The following NOTCH1 variants were observed in gnomAD, a reference collection of about 807,000 sequenced individuals.
NOTCH1 encodes the protein notch receptor 1.
Under a neutral mutation model 254.8 loss-of-function variants are expected in NOTCH1, and 37 were observed. That is an observed-to-expected ratio of 0.15 (90% CI 0.11 to 0.19). The LOEUF (loss-of-function observed/expected upper bound fraction) is 0.19. Ranked by LOEUF, NOTCH1 falls within the 10% of genes least tolerant of loss-of-function variation. The pLI is 1.00. For synonymous variants in NOTCH1, 1,731 were observed against 1,618.1 expected (o/e 1.07, Z -1.68); for missense variants, 2,972 against 3,708.6 (o/e 0.80, Z 5.16).
In NOTCH1 at chr9:136,522,973, G is replaced by T. The variant is rs748300035; in HGVS notation, c.619C>A (p.Arg207Ser). The change falls in exon 4 of 34, where the codon CGC becomes AGC. Residue 207 changes from arginine (R) to serine (S), a missense_variant. By Grantham distance (110) the Arg-to-Ser change is moderately radical. This residue lies in a region of NOTCH1 where 374 missense variants were observed against 496.3 expected (regional missense o/e 0.75). Transcript: ENST00000651671. Reference sequence around the variant, plus strand: ...CAGTTGGGGCCAGTGTGGGTGGCGCGGCAGACGCAGCGGTAGGAGCCGACC... The same window carrying T: ...CAGTTGGGGCCAGTGTGGGTGGCGCTGCAGACGCAGCGGTAGGAGCCGACC... ...NEVGSYRCVC[R>S]ATHTGPNCER... 4 of 1,558,202 alleles carry T rather than the reference G, an allele frequency of 2.6e-6. 1 individual carries two copies. The South Asian group carries it at 4.7e-5, about 18-fold the overall frequency.
intron 8 of NOTCH1, 89 bp downstream of exon 8, chr9:136,517,663 C>A (rs1483977717): frequency 9.2e-6 from 14 of 1,517,436 alleles, no homozygotes; most frequent in Non-Finnish European, 1.3e-5. Context: ...CTGGGGAAAG[C>A]GGAAGCAACC....
chr9:136,545,988 G>GCCCGCGCCCGCGC lies in NOTCH1; in HGVS notation c.-215_-203dup, dbSNP rs532729798. Among the ~76,000 whole-genome samples the GCCCGCGCCCGCGC allele has an allele frequency of 4.8e-5, 7 of 146,824 alleles. No individual in the cohort carries two copies. Among genetic ancestry groups the GCCCGCGCCCGCGC allele is most frequent in the Non-Finnish European group, 7.6e-5 (5 of 65,584 alleles). On this transcript the variant is annotated 5_prime_UTR_variant, in exon 1 of 34. Coordinates refer to ENST00000651671, the MANE Select transcript of NOTCH1 (RefSeq NM_017617.5). The surrounding 1 kb of genome is among the most constrained non-coding windows in gnomAD (Gnocchi z 6.8). ...CGGCTCGTTCCTTCGCTGCGCTCGC[G>GCCCGCGCCCGCGC]CCCGCGCCCGCGCCCCGCGCCCCGC...
chr9:136,513,037 G>C lies in NOTCH1; in HGVS notation c.2451C>G (p.Cys817Trp). ...ACCCCTCACCTGTGTAGGGCAGCAG[G>C]CAGTTGCACTTGTACCCGGCAACGT... ...IDDVAGYKCN[C>W]LLPYTGATCE... Residue 817 changes from cysteine (C) to tryptophan (W), a missense_variant, in exon 15 of 34, where the codon TGC (cysteine) becomes TGG (tryptophan). This residue lies in a region of NOTCH1 where 1,343 missense variants were observed against 1,557.0 expected (regional missense o/e 0.86). Transcript: ENST00000651671. The surrounding 1 kb of genome is among the most constrained non-coding windows in gnomAD (Gnocchi z 4.7). 6.2e-7 allele frequency: 1 copy of C among 1,605,048 alleles called. No homozygotes were observed. Among genetic ancestry groups the C allele is most frequent in the Non-Finnish European group, 8.5e-7 (1 of 1,175,224 alleles).
At chr9:136,510,078 C>T in intron 17 of NOTCH1, 117 bp from the exon 18 acceptor site, 3 of 953,514 alleles carry the variant, frequency 3.1e-6, no homozygotes, top group African/African-American at 1.6e-5. Context: ...GAGGCTGCGG[C>T]AAGCAGCCCT....
chr9:136,502,540 G>A (rs935551900), intron 27 of NOTCH1, 52 bp from the exon 28 acceptor site: 6 of 1,284,182 alleles, frequency 4.7e-6, no homozygotes, highest in Middle Eastern at 2.7e-4. Context: ...CAGCGGCTAC[G>A]CAGCAGGCTG....
At position 136,495,442 on chromosome 9, in the gene NOTCH1, T is replaced by C; in HGVS notation, c.*629A>G. 1 of 399,070 alleles carries C rather than the reference T, an allele frequency of 2.5e-6. No homozygotes were observed. The highest frequency in any genetic ancestry group is 3.5e-5 in the East Asian group (1 of 28,224). 24.7% of individuals were successfully genotyped at this position (399,070 alleles called of 1,614,324 possible). ...CTTGCAAGAAACCATCTAAAACACATGGCAACATCTAACCCATATGCTTTC... is the reference window on the plus strand; with the variant it reads ...CTTGCAAGAAACCATCTAAAACACACGGCAACATCTAACCCATATGCTTTC... On this transcript the variant is annotated 3_prime_UTR_variant, in exon 34 of 34. Transcript: ENST00000651671.
chr9:136,530,254 T>C (rs1217283806), intron 2 of NOTCH1, among the ~76,000 whole-genome samples: 5 of 152,168 alleles, frequency 3.3e-5, no homozygotes. Flanking sequence ...TCTGCAAATC[T>C]TTTCCCCCAG....
chr9:136,497,341 G>A lies in NOTCH1; in HGVS notation c.6398C>T (p.Pro2133Leu), dbSNP rs2133318792. 1 of 1,606,258 alleles carries A rather than the reference G, an allele frequency of 6.2e-7. No homozygotes were observed. Among genetic ancestry groups the A allele is most frequent in the Non-Finnish European group, 8.5e-7 (1 of 1,179,270 alleles). ...QLHGAPLGGTPTLSPPLCSPN... is the reference protein window; with the variant it reads ...QLHGAPLGGTLTLSPPLCSPN... Reference sequence around the variant, plus strand: ...CGAGCAGAGCGGGGGCGACAGGGTGGGCGTGCCCCCCAGCGGGGCTCCGTG... The same window carrying A: ...CGAGCAGAGCGGGGGCGACAGGGTGAGCGTGCCCCCCAGCGGGGCTCCGTG... The change falls in exon 34 of 34, where the codon CCC becomes CTC. Residue 2133 changes from proline to leucine, a missense_variant. Coordinates refer to ENST00000651671, the MANE Select transcript of NOTCH1 (RefSeq NM_017617.5).
intron 9 of NOTCH1, 137 bp from the exon 10 acceptor site, chr9:136,516,231 G>T (rs1032520144): frequency 6.0e-6 from 4 of 670,804 alleles, no homozygotes; most frequent in Non-Finnish European, 1.1e-5. Flanking sequence ...GCCAGCTCCA[G>T]CTCTCCCTGC....
Position 136,494,579 on chromosome 9 carries a change from A to C in NOTCH1, c.*1492T>G, listed in dbSNP as rs1842889293. ...CACTCTATTTTATAAAACACAGTAA[A>C]AATCAACATCTTGGGACGCATCTGG... On this transcript the variant is annotated 3_prime_UTR_variant, in exon 34 of 34. Transcript: ENST00000651671. 1 of 399,014 alleles carries C rather than the reference A, an allele frequency of 2.5e-6. No homozygotes were observed. The highest frequency in any genetic ancestry group is 4.4e-6 in the Non-Finnish European group (1 of 226,076). 24.7% of individuals were successfully genotyped at this position (399,014 alleles called of 1,614,324 possible). A position where few individuals can be genotyped will look rare whatever the true frequency, so the allele number is the denominator to read the frequency against.
chr9:136,513,986 G>A lies in NOTCH1; in HGVS notation c.2208-449C>T, dbSNP rs1009017977. On this transcript the variant is annotated intron_variant, in intron 13 of 33. Coordinates refer to ENST00000651671, the MANE Select transcript of NOTCH1 (RefSeq NM_017617.5). This position sits in a 1 kb window ranked among gnomAD's most constrained non-coding sequence, Gnocchi z 4.7. ...TGTCTCAAAATAAAGAAAAAAGTGGGGGCCGCAGCGCTTCCCATACCCAAG... is the reference window on the plus strand; with the variant it reads ...TGTCTCAAAATAAAGAAAAAAGTGGAGGCCGCAGCGCTTCCCATACCCAAG... Among the ~76,000 whole-genome samples, 5 of 152,082 alleles carry A rather than the reference G, an allele frequency of 3.3e-5. No individual in the cohort carries two copies. Among genetic ancestry groups the A allele is most frequent in the African/African-American group, 1.2e-4 (5 of 41,412 alleles).
chr9:136,496,839 C>T lies in NOTCH1; in HGVS notation c.6900G>A (p.Gly2300=), dbSNP rs893676686. 1 of 1,612,968 alleles carries T rather than the reference C, an allele frequency of 6.2e-7. No individual in the cohort carries two copies. Among genetic ancestry groups the T allele is most frequent in the Non-Finnish European group, 8.5e-7 (1 of 1,180,004 alleles). ...SGGALNFTVG[G]STSLNGQCEW... ...CGCATTGACCATTCAAACTGGTGGACCCGCCCACAGTGAAATTCAGGGCCC... is the reference window on the plus strand; with the variant it reads ...CGCATTGACCATTCAAACTGGTGGATCCGCCCACAGTGAAATTCAGGGCCC... Residue 2300 remains glycine (G), a synonymous_variant, in exon 34 of 34, where the codon GGG becomes GGA. Transcript: ENST00000651671.
At position 136,513,041 on chromosome 9, in the gene NOTCH1, T is replaced by G. The variant is rs1413572803; in HGVS notation, c.2447A>C (p.Asn816Thr). ...CIDDVAGYKC[N>T]CLLPYTGATC... ...CTCACCTGTGTAGGGCAGCAGGCAG[T>G]TGCACTTGTACCCGGCAACGTCGTC... Residue 816 changes from asparagine (N) to threonine (T), a missense_variant, in exon 15 of 34, where the codon AAC becomes ACC. Around this residue, in one of 8 missense-constraint regions of NOTCH1, gnomAD observed 1,343 missense variants for 1,557.0 expected, o/e 0.86. Transcript: ENST00000651671. This position sits in a 1 kb window ranked among gnomAD's most constrained non-coding sequence, Gnocchi z 4.7. 4 of 1,576,660 alleles carry G rather than the reference T, an allele frequency of 2.5e-6. No individual in the cohort carries two copies. The highest frequency in any genetic ancestry group is 3.4e-6 in the Non-Finnish European group (4 of 1,159,886).
At chr9:136,507,195 G>T in intron 22 of NOTCH1, 110 bp downstream of exon 22, 1 of 1,574,856 alleles carries the variant, frequency 6.3e-7, no homozygotes, top group Non-Finnish European at 8.7e-7. Context: ...ACAGGAAAAT[G>T]GGAGTTTCTG....
Position 136,523,799 on chromosome 9 carries a change from G to C in NOTCH1, c.321C>G (p.Leu107=), listed in dbSNP as rs1369063905. Residue 107 remains leucine (L), a synonymous_variant, in exon 3 of 34, where the codon CTC becomes CTG. Coordinates refer to ENST00000651671, the MANE Select transcript of NOTCH1 (RefSeq NM_017617.5). ...LCLTPLDNAC[L]TNPCRNGGTC... is the part of the protein sequence containing the mutation. The stretch of plus-strand genomic sequence containing the variant: ...TGCCCCCGTTGCGGCAGGGGTTGGT[G>C]AGGCAGGCATTGTCCAGGGGTGTCA... 1.4e-5 allele frequency: 23 copies of C among 1,611,732 alleles called. No individual in the cohort carries two copies. The highest frequency in any genetic ancestry group is 1.9e-5 in the Non-Finnish European group (23 of 1,179,628).
In NOTCH1 at chr9:136,518,738, C is replaced by T. The variant is rs1281980307; in HGVS notation, c.952G>A (p.Gly318Ser). ...NGGTCHNTHG[G>S]YNCVCVNGWT... ...CCGTTGACACACACGCAGTTGTAGCCACCGTGGGTGTTGTGGCAGGTCCCG... is the reference window on the plus strand; with the variant it reads ...CCGTTGACACACACGCAGTTGTAGCTACCGTGGGTGTTGTGGCAGGTCCCG... Residue 318 changes from glycine to serine, a missense_variant, in exon 6 of 34, where the codon GGC (glycine) becomes AGC (serine). Around this residue, in one of 8 missense-constraint regions of NOTCH1, gnomAD observed 374 missense variants for 496.3 expected, o/e 0.75. Coordinates refer to ENST00000651671, the MANE Select transcript of NOTCH1 (RefSeq NM_017617.5). The T allele has an allele frequency of 1.9e-6, 3 of 1,612,932 alleles. No homozygotes were observed. In the South Asian group the frequency reaches 3.3e-5, roughly 18 times the overall value.
intron 22 of NOTCH1, 72 bp from the exon 23 acceptor site, chr9:136,507,045 G>T: frequency 6.4e-7 from 1 of 1,564,066 alleles, no homozygotes; most frequent in Non-Finnish European, 8.7e-7. Context: ...TGTCCGTCCC[G>T]GAAGACGAGC....
chr9:136,523,225 A>G, intron 3 of NOTCH1, 37 bp from the exon 4 acceptor site: 1 of 1,553,934 alleles, frequency 6.4e-7, no homozygotes, highest in East Asian at 2.4e-5. Context: ...TGCTGGCCTC[A>G]CTGCTCCCCG....
intron 2 of NOTCH1, among the ~76,000 whole-genome samples, chr9:136,535,508 GGGA>G (rs1424227265): frequency 3.4e-5 from 2 of 59,182 alleles, no homozygotes; most frequent in African/African-American, 8.8e-5. Context: ...GGTGCAGGGT[GGGA>G]GTGGGTGGAG....
Sources: gnomAD v4.1 joint callset for allele counts (sites outside exome capture counted in the v4.1 genomes callset) on GRCh38, gnomAD v4.1.1 for gene constraint, gnomAD v4.1.1 regional missense constraint, Gnocchi (gnomAD v3.1) non-coding constraint, MANE v1.5 for transcripts, NCBI Gene and HGNC (gene_info 2026-07-23, HGNC 2026-07-21) for gene names.